Variants in TMEM132C observed in about 807,000 individuals in gnomAD.
TMEM132C encodes transmembrane protein 132C, also known as protein phosphatase 1, regulatory subunit 152.
A neutral mutation model predicts 61.4 loss-of-function variants in TMEM132C; 29 were observed. The ratio of observed to expected loss-of-function variants is 0.47; its 90% CI spans 0.35 to 0.64. TMEM132C has a LOEUF of 0.64. Among genes scored for constraint, TMEM132C ranks in the 30% least tolerant of loss-of-function variants. TMEM132C has a pLI of 0.00. For missense variants in TMEM132C, 1,408 were observed against 1,476.9 expected (o/e 0.95, Z 0.76); for synonymous variants, 656 against 633.1 (o/e 1.04, Z -0.54).
At chr12:128,652,184 G>C (rs1027648558) in intron 4 of TMEM132C, among the ~76,000 whole-genome samples, 4 of 152,050 alleles carry the variant, frequency 2.6e-5, no homozygotes, top group African/African-American at 9.7e-5. Flanking sequence ...CTTGAAATAG[G>C]ATCTAGCCAC....
At chr12:128,418,024 C>T (rs1518370) in intron 2 of TMEM132C, among the ~76,000 whole-genome samples, 51,191 of 151,968 alleles carry the variant, frequency 0.34, 10,390 homozygotes, top group Non-Finnish European at 0.45. Context: ...TATTCCCTCC[C>T]TTCCGATCTT....
intron 2 of TMEM132C, among the ~76,000 whole-genome samples, chr12:128,449,676 C>G (rs1870116474): frequency 6.6e-6 from 1 of 152,180 alleles, no homozygotes; most frequent in Non-Finnish European, 1.5e-5. Context: ...GTTACAGTGT[C>G]ACCCATCAGA....
At chr12:128,531,834 C>CT (rs1203753334) in intron 2 of TMEM132C, among the ~76,000 whole-genome samples, 1 of 151,932 alleles carries the variant, frequency 6.6e-6, no homozygotes, top group Non-Finnish European at 1.5e-5. Flanking sequence ...GGACAGTGCC[C>CT]CCCTCACCCC....
intron 2 of TMEM132C, among the ~76,000 whole-genome samples, chr12:128,543,559 C>G (rs190177296): frequency 9.5e-4 from 144 of 152,244 alleles, no homozygotes; most frequent in Non-Finnish European, 1.5e-3. Context: ...TAACAACACC[C>G]CCCACACACA....
chr12:128,287,670 G>A (rs1366201320), intron 1 of TMEM132C, among the ~76,000 whole-genome samples: 1 of 152,128 alleles, frequency 6.6e-6, no homozygotes, highest in Admixed American at 6.5e-5. Context: ...GCATTGCTAT[G>A]GTACTATTAT....
At chr12:128,402,817 C>T (rs1207688286) in intron 1 of TMEM132C, among the ~76,000 whole-genome samples, 2 of 152,182 alleles carry the variant, frequency 1.3e-5, no homozygotes, top group African/African-American at 4.8e-5. Context: ...TCCCTCTGTG[C>T]CTACCTAGGG....
At chr12:128,295,721 G>C (rs1052026290) in intron 1 of TMEM132C, among the ~76,000 whole-genome samples, 1 of 150,430 alleles carries the variant, frequency 6.6e-6, no homozygotes, top group African/African-American at 2.4e-5. Context: ...ATAAAATTCT[G>C]CTCAGTGATC....
At position 128,630,801 on chromosome 12, in the gene TMEM132C, G is replaced by A. The variant is rs1954059440; in HGVS notation, c.1305+14466G>A. Among the ~76,000 whole-genome samples the A allele has an allele frequency of 6.6e-6, 1 of 152,174 alleles. No individual in the cohort carries two copies. The highest frequency in any genetic ancestry group is 2.1e-4 in the South Asian group (1 of 4,828). ...TGTAATCCCAGCACTTTGGGAGGCC[G>A]AGGCAGGCAGATCACAAGGTCAGGA... On this transcript the variant is annotated intron_variant, in intron 4 of 8. Transcript: ENST00000435159. The surrounding 1 kb of genome is among the most constrained non-coding windows in gnomAD (Gnocchi z 4.3).
rs556049388 is a variant in TMEM132C at position 128,592,214 on chromosome 12, T to A, written c.1122-23938T>A. Among the ~76,000 whole-genome samples, 22 of 152,354 alleles carry A rather than the reference T, an allele frequency of 1.4e-4. 1 individual carries two copies. The South Asian group carries it at 4.3e-3, about 30-fold the overall frequency. On this transcript the variant is annotated intron_variant, in intron 3 of 8. Coordinates refer to ENST00000435159, the MANE Select transcript of TMEM132C (RefSeq NM_001136103.3). The stretch of plus-strand genomic sequence containing the variant: ...CATCATCCTACCCTGACACGGAGGC[T>A]GCGCCTAAGGTCATCACACAGCACC...
intron 2 of TMEM132C, among the ~76,000 whole-genome samples, chr12:128,454,866 G>A (rs950467150): frequency 1.3e-5 from 2 of 152,232 alleles, no homozygotes; most frequent in Non-Finnish European, 2.9e-5. Context: ...CTGAGGACGG[G>A]TTGTCACAGA....
Position 128,449,136 on chromosome 12 carries a change from C to CAAAA in TMEM132C, c.974+33537_974+33540dup, listed in dbSNP as rs141298455. ...TGGGAGGCAGAGCGAGACTCTGTCT[C>CAAAA]AAAAAAAAAAAAAAAAAAAAAAAAG... On this transcript the variant is annotated intron_variant, in intron 2 of 8. Transcript: ENST00000435159. Among the ~76,000 whole-genome samples the CAAAA allele has an allele frequency of 8.8e-3, 444 of 50,666 alleles. 13 individuals are homozygous for CAAAA. Among genetic ancestry groups the CAAAA allele is most frequent in the African/African-American group, 0.026 (422 of 15,976 alleles). 33.2% of individuals were successfully genotyped at this position (50,666 alleles called of 152,430 possible). A position where few individuals can be genotyped will look rare whatever the true frequency, so the allele number is the denominator to read the frequency against.
intron 4 of TMEM132C, among the ~76,000 whole-genome samples, chr12:128,623,934 G>A (rs1317495464): frequency 2.0e-5 from 3 of 152,074 alleles, no homozygotes; most frequent in African/African-American, 4.8e-5. Flanking sequence ...AAAAATCAGC[G>A]GGAATGACTT....
At chr12:128,556,010 C>G (rs1328387187) in intron 3 of TMEM132C, among the ~76,000 whole-genome samples, 1 of 152,154 alleles carries the variant, frequency 6.6e-6, no homozygotes, top group African/African-American at 2.4e-5. Context: ...AGCCACTGTG[C>G]CTGGCCCAAG....
intron 5 of TMEM132C, among the ~76,000 whole-genome samples, chr12:128,682,098 G>A (rs1322875201): frequency 6.6e-6 from 1 of 152,180 alleles, no homozygotes; most frequent in African/African-American, 2.4e-5. Flanking sequence ...TAACCTCTGA[G>A]CCAATTGCTG....
In TMEM132C at chr12:128,359,546, A is replaced by G. The variant is rs540684921; in HGVS notation, c.86-55186A>G. Among the ~76,000 whole-genome samples the G allele has an allele frequency of 8.5e-5, 13 of 152,280 alleles. No homozygotes were observed. The East Asian group carries it at 2.3e-3, about 27-fold the overall frequency. ...TTTTGAGGAGTTTCTAAGACTTTCC[A>G]CTTGTTATTTGGTATTTGCTATAGT... On this transcript the variant is annotated intron_variant, in intron 1 of 8. Transcript: ENST00000435159.
intron 4 of TMEM132C, among the ~76,000 whole-genome samples, chr12:128,634,363 C>A (rs931516827): frequency 6.6e-6 from 1 of 152,262 alleles, no homozygotes; most frequent in Non-Finnish European, 1.5e-5. Context: ...GCATGAGCCG[C>A]TGTGCCCAGC....
In TMEM132C at chr12:128,291,182, T is replaced by C. The variant is rs185871170; in HGVS notation, c.85+23695T>C. ...AGCCAGCTGCAAGGCGATCCCAGAATTCCCCTGCAAGTACATCCAAGAAGA... is the reference window on the plus strand; with the variant it reads ...AGCCAGCTGCAAGGCGATCCCAGAACTCCCCTGCAAGTACATCCAAGAAGA... On this transcript the variant is annotated intron_variant, in intron 1 of 8. Coordinates refer to ENST00000435159, the MANE Select transcript of TMEM132C (RefSeq NM_001136103.3). Among the ~76,000 whole-genome samples the C allele has an allele frequency of 7.2e-4, 110 of 152,348 alleles. 1 individual carries two copies. The highest frequency in any genetic ancestry group is 2.6e-3 in the African/African-American group (107 of 41,570).
intron 1 of TMEM132C, among the ~76,000 whole-genome samples, chr12:128,283,259 C>T (rs1270106065): frequency 6.6e-6 from 1 of 152,170 alleles, no homozygotes; most frequent in African/African-American, 2.4e-5. Flanking sequence ...ACATGTCCTC[C>T]TTCTTTAAGC....
chr12:128,458,255 GTATTATAATTATATAATTA>G (rs1870413290), intron 2 of TMEM132C, among the ~76,000 whole-genome samples: 1 of 128,958 alleles, frequency 7.8e-6, no homozygotes. Context: ...ATAATATTTA[GTATTATAATTATATAATTA>G]TAATATTTAG....
Sources: gnomAD v4.1 joint callset for allele counts (sites outside exome capture counted in the v4.1 genomes callset) on GRCh38, gnomAD v4.1.1 for gene constraint, Gnocchi (gnomAD v3.1) non-coding constraint, MANE v1.5 for transcripts, NCBI Gene and HGNC (gene_info 2026-07-23, HGNC 2026-07-21) for gene names.